Variants in COG5 observed in about 807,000 individuals in gnomAD.
COG5 encodes the protein component of oligomeric golgi complex 5.
COG5 carries 86 observed loss-of-function variants against 110.4 expected under a neutral mutation model. That is an observed-to-expected ratio of 0.78 (90% CI 0.65 to 0.93). The LOEUF is 0.93. Among genes scored for constraint, COG5 ranks in the 40% least tolerant of loss-of-function variants. The pLI is 0.00. For missense variants in COG5, 1,077 were observed against 987.0 expected (o/e 1.09, Z -1.22); for synonymous variants, 360 against 334.6 (o/e 1.08, Z -0.83).
chr7:107,402,767 A>C lies in COG5; in HGVS notation c.669+9735T>G, dbSNP rs540892801. On this transcript the variant is annotated intron_variant, in intron 7 of 21. Transcript: ENST00000297135. ...TGTGACAGACTGCCTATAGAGTTGA[A>C]AAATGTTTTTTCTAATATGATCATA... Among the ~76,000 whole-genome samples the C allele has an allele frequency of 1.6e-4, 24 of 152,302 alleles. No individual in the cohort carries two copies. The South Asian group carries it at 5.0e-3, about 32-fold the overall frequency.
chr7:107,311,370 ATTTTTTTTTTTTTTTTT>A (rs71134260), intron 11 of COG5, among the ~76,000 whole-genome samples: 23 of 58,948 alleles, frequency 3.9e-4, no homozygotes, highest in South Asian at 3.8e-3. Flanking sequence ...GCGTATTTAC[ATTTTTTTTTTTTTTTTT>A]TTTTTTTTTT....
chr7:107,410,913 T>C (rs1186483958), intron 7 of COG5, among the ~76,000 whole-genome samples: 9 of 151,796 alleles, frequency 5.9e-5, no homozygotes, highest in Admixed American at 1.3e-4. Flanking sequence ...GATTCTGAAA[T>C]AGGATGGAAG....
rs773453129 is a variant in COG5, at chr7:107,256,794, C to A, written c.1687G>T (p.Val563Phe). ...LYKLHQSVTK[V>F]VSSQSSFPLA... ...GGGAATGAGCTCTGACTGGAAACAA[C>A]CTAGAACAAGGTTTTGATCCAGTTA... Residue 563 changes from valine to phenylalanine, a missense_variant and splice_region_variant, in exon 16 of 22, where the codon GTT (valine) becomes TTT (phenylalanine). Coordinates refer to ENST00000297135, the MANE Select transcript of COG5 (RefSeq NM_006348.5). 5.0e-6 allele frequency: 8 copies of A among 1,605,432 alleles called. No homozygotes were observed. Among genetic ancestry groups the A allele is most frequent in the Non-Finnish European group, 5.1e-6 (6 of 1,172,954 alleles).
At chr7:107,244,184 G>A (rs552317846) in intron 17 of COG5, among the ~76,000 whole-genome samples, 1 of 152,132 alleles carries the variant, frequency 6.6e-6, no homozygotes, top group East Asian at 1.9e-4. Flanking sequence ...CCGAGGAGGT[G>A]GAGGCAGCAG....
chr7:107,323,156 C>T (rs1039379481), intron 11 of COG5, among the ~76,000 whole-genome samples: 42 of 152,082 alleles, frequency 2.8e-4, no homozygotes, highest in Admixed American at 1.3e-4. Flanking sequence ...AATTATATCT[C>T]AATAAAGCTG....
Position 107,527,227 on chromosome 7 carries a change from A to C in COG5, c.538+10T>G, listed in dbSNP as rs769195866. 1.3e-5 allele frequency: 20 copies of C among 1,534,488 alleles called. No individual in the cohort carries two copies. The highest frequency in any genetic ancestry group is 1.7e-4 in the Middle Eastern group (1 of 5,902). On this transcript the variant is annotated intron_variant, in intron 6 of 21. Transcript: ENST00000297135. The stretch of plus-strand genomic sequence containing the variant: ...ACTAACTTTTTATTTAAAAAAAAAA[A>C]AAAACTTACCAAGTTCATTGAGACT...
intron 21 of COG5, 45 bp from the exon 22 acceptor site, chr7:107,203,675 CATA>C: frequency 1.6e-6 from 2 of 1,213,156 alleles, no homozygotes; most frequent in Admixed American, 1.7e-5. Flanking sequence ...AGATAAATCA[CATA>C]AAACAGTTAA....
At chr7:107,433,585 T>C (rs1794169111) in intron 6 of COG5, among the ~76,000 whole-genome samples, 1 of 152,138 alleles carries the variant, frequency 6.6e-6, no homozygotes, top group African/African-American at 2.4e-5. Context: ...AAGGACAGTG[T>C]TTTCAACAAA....
intron 5 of COG5, among the ~76,000 whole-genome samples, chr7:107,528,610 C>A (rs967533039): frequency 6.6e-6 from 1 of 152,164 alleles, no homozygotes; most frequent in Middle Eastern, 3.4e-3. Context: ...TACTGAATAA[C>A]CAACATGTAG....
chr7:107,528,066 CTT>C (rs1391622485), intron 5 of COG5, among the ~76,000 whole-genome samples: 1 of 151,694 alleles, frequency 6.6e-6, no homozygotes, highest in Non-Finnish European at 1.5e-5. Flanking sequence ...AGTCTTAAAA[CTT>C]CTCTCAATTT....
intron 6 of COG5, among the ~76,000 whole-genome samples, chr7:107,451,149 T>C (rs770432600): frequency 3.3e-5 from 5 of 152,094 alleles, no homozygotes; most frequent in Non-Finnish European, 7.4e-5. Context: ...CCTGAATCAA[T>C]AAATTACTGC....
At chr7:107,442,877 C>T (rs1794805558) in intron 6 of COG5, among the ~76,000 whole-genome samples, 1 of 152,062 alleles carries the variant, frequency 6.6e-6, no homozygotes, top group Admixed American at 6.6e-5. Flanking sequence ...AAATAGCTGA[C>T]CTAGCAGTAT....
rs1011905841 is a variant in COG5 at position 107,448,087 on chromosome 7, T to A, written c.539-35455A>T. Among the ~76,000 whole-genome samples the A allele has an allele frequency of 6.6e-5, 10 of 152,024 alleles. No individual in the cohort carries two copies. The East Asian group carries it at 1.7e-3, about 26-fold the overall frequency. Reference sequence around the variant, plus strand: ...AGGAGAATCACTTGAACTCGGGAGGTGGAGGTTGCAGTGAGCCAAGATCAT... The same window carrying A: ...AGGAGAATCACTTGAACTCGGGAGGAGGAGGTTGCAGTGAGCCAAGATCAT... On this transcript the variant is annotated intron_variant, in intron 6 of 21. Transcript: ENST00000297135.
At chr7:107,388,942 T>C (rs2129055876) in intron 7 of COG5, among the ~76,000 whole-genome samples, 1 of 152,286 alleles carries the variant, frequency 6.6e-6, no homozygotes, top group East Asian at 1.9e-4. Context: ...CTGAAGAGGA[T>C]AACTCAGAAG....
At chr7:107,302,916 G>C (rs1000656269) in intron 11 of COG5, among the ~76,000 whole-genome samples, 14 of 152,132 alleles carry the variant, frequency 9.2e-5, no homozygotes, top group Admixed American at 9.2e-4. Context: ...CATGATTCTT[G>C]CTGTGTTGTA....
Position 107,288,012 on chromosome 7 carries a change from A to G in COG5, c.1314-4280T>C, listed in dbSNP as rs188740123. The stretch of plus-strand genomic sequence containing the variant: ...AATGTCTACGTGAACATATGTTTTT[A>G]TTTCCCTTGGGTATACATCTGGAGC... On this transcript the variant is annotated intron_variant, in intron 12 of 21. Transcript: ENST00000297135. 2.0e-5 allele frequency among the ~76,000 whole-genome samples: 3 copies of G among 152,130 alleles called. No homozygotes were observed. The East Asian group carries it at 5.8e-4, about 29-fold the overall frequency.
intron 3 of COG5, among the ~76,000 whole-genome samples, chr7:107,553,990 TTAAC>T (rs1432637734): frequency 1.3e-5 from 2 of 152,136 alleles, no homozygotes; most frequent in African/African-American, 4.8e-5. Flanking sequence ...CAGAAAAGGG[TTAAC>T]TAACTTGCTC....
At chr7:107,432,248 G>C (rs529460757) in intron 6 of COG5, among the ~76,000 whole-genome samples, 2 of 152,224 alleles carry the variant, frequency 1.3e-5, no homozygotes, top group Admixed American at 6.5e-5. Flanking sequence ...TAATGACCAA[G>C]TGAAAAGACC....
intron 5 of COG5, among the ~76,000 whole-genome samples, chr7:107,542,244 C>G (rs996429148): frequency 6.6e-6 from 1 of 152,114 alleles, no homozygotes; most frequent in African/African-American, 2.4e-5. Flanking sequence ...AGAGGAATAT[C>G]TGAAACACAC....
Sources: gnomAD v4.1 joint callset for allele counts (sites outside exome capture counted in the v4.1 genomes callset) on GRCh38, gnomAD v4.1.1 for gene constraint, MANE v1.5 for transcripts, NCBI Gene and HGNC (gene_info 2026-07-23, HGNC 2026-07-21) for gene names.